The following LPIN2 variants were observed in gnomAD, a reference collection of about 807,000 sequenced individuals.
LPIN2 encodes lipin 2.
LPIN2 carries 55 observed loss-of-function variants against 111.4 expected under a neutral mutation model. That is an observed-to-expected ratio of 0.49 (90% CI 0.40 to 0.62). The LOEUF (loss-of-function observed/expected upper bound fraction) is 0.62. Ranked by LOEUF, LPIN2 falls within the 20% of genes least tolerant of loss-of-function variation. The pLI is 0.00. For synonymous variants in LPIN2, 425 were observed against 414.0 expected, an observed-to-expected ratio of 1.03 and a Z score of -0.32; for missense variants, 992 against 1,112.1, an observed-to-expected ratio of 0.89 and a Z score of 1.54.
chr18:2,934,252 C>T, intron 8 of LPIN2, 99 bp downstream of exon 8: 1 of 884,358 alleles, frequency 1.1e-6, no homozygotes, highest in Middle Eastern at 2.9e-4. Flanking sequence ...AGCTAAAGGA[C>T]ACCATCATCT....
chr18:2,965,750 G>T (rs1210419934), intron 1 of LPIN2, among the ~76,000 whole-genome samples: 2 of 83,530 alleles, frequency 2.4e-5, no homozygotes, highest in African/African-American at 8.8e-5. Context: ...AAAAAAAAAA[G>T]CATCAGTAAA....
At chr18:2,991,215 A>G (rs1482198720) in intron 1 of LPIN2, 2 of 198,198 alleles carry the variant, frequency 1.0e-5, no homozygotes, top group African/African-American at 2.3e-5. Flanking sequence ...CCTATTAAAG[A>G]AAGAATCATT....
At chr18:2,934,579 T>A in intron 7 of LPIN2, 129 bp from the exon 8 acceptor site, 1 of 687,024 alleles carries the variant, frequency 1.5e-6, no homozygotes, top group Non-Finnish European at 2.6e-6. Flanking sequence ...TTTAAAGGTG[T>A]CAACCAGCCT....
intron 1 of LPIN2, among the ~76,000 whole-genome samples, chr18:2,976,138 C>T (rs1288808480): frequency 6.6e-6 from 1 of 152,206 alleles, no homozygotes; most frequent in Non-Finnish European, 1.5e-5. Context: ...CTCTCTCACC[C>T]ATTAAAGAAC....
At position 2,946,246 on chromosome 18, in the gene LPIN2, T is replaced by G. The variant is rs564468289; in HGVS notation, c.590+4809A>C. The stretch of plus-strand genomic sequence containing the variant: ...TTATCGCGTCTACTGTCTTAGGGGC[T>G]TGAATGTGTTCCTGAAATTTTGGTT... On this transcript the variant is annotated intron_variant, in intron 4 of 19. Transcript: ENST00000677752. The G allele has an allele frequency of 2.3e-4, 354 of 1,554,090 alleles. No homozygotes were observed. In the African/African-American group the frequency reaches 4.2e-3, roughly 19 times the overall value.
intron 12 of LPIN2, 40 bp from the exon 13 acceptor site, chr18:2,926,845 C>T: frequency 6.5e-7 from 1 of 1,544,402 alleles, no homozygotes; most frequent in Admixed American, 1.7e-5. Context: ...GCAATTTTTT[C>T]CCTACAGATA....
chr18:2,967,740 G>A (rs905543387), intron 1 of LPIN2: 2 of 152,206 alleles, frequency 1.3e-5, no homozygotes, highest in African/African-American at 4.8e-5. Flanking sequence ...TCCGAGGGAA[G>A]CTGTTCTCAG....
chr18:2,965,235 G>C (rs958141327), intron 1 of LPIN2, among the ~76,000 whole-genome samples: 18 of 151,940 alleles, frequency 1.2e-4, no homozygotes, highest in African/African-American at 4.1e-4. Context: ...CGCCAAATTA[G>C]TCCTTCATGC....
chr18:2,937,170 T>C (rs1423840739), intron 7 of LPIN2, among the ~76,000 whole-genome samples: 4 of 152,086 alleles, frequency 2.6e-5, no homozygotes, highest in Non-Finnish European at 1.5e-5. Context: ...GTAGCAACAG[T>C]CAAGAGACAG....
chr18:2,927,616 T>C (rs1354775584), intron 12 of LPIN2, 106 bp downstream of exon 12: 5 of 1,182,612 alleles, frequency 4.2e-6, no homozygotes, highest in African/African-American at 3.0e-5. Flanking sequence ...TATGGTAAAA[T>C]AGCCCTATAC....
chr18:2,961,305 A>T (rs538037747), intron 1 of LPIN2, among the ~76,000 whole-genome samples: 1 of 152,172 alleles, frequency 6.6e-6, no homozygotes, highest in Non-Finnish European at 1.5e-5. Context: ...CTTCCAACAG[A>T]ACCAATGTAA....
At chr18:2,991,355 T>C (rs981535495) in intron 1 of LPIN2, among the ~76,000 whole-genome samples, 13 of 152,180 alleles carry the variant, frequency 8.5e-5, no homozygotes, top group African/African-American at 3.1e-4. Context: ...ACTGAAACAC[T>C]TGTGCACTGT....
rs1295378704 is a variant in LPIN2, at chr18:2,924,435, T to C, written c.2050A>G (p.Lys684Glu). ...CCATCAATATCAGAAATGATGATCT[T>C]GTCATTCCAGTTCCACAGGTAAATG... Reference protein sequence around the residue: ...GTIYLWNWNDKIIISDIDGTI... With the variant: ...GTIYLWNWNDEIIISDIDGTI... The change falls in exon 15 of 20, where the codon AAG becomes GAG. Residue 684 changes from lysine to glutamate, a missense_variant. Physicochemically the swap from Lys to Glu is moderately conservative, Grantham distance 56. Transcript: ENST00000677752. 6.2e-7 allele frequency: 1 copy of C among 1,614,206 alleles called. No individual in the cohort carries two copies. Among genetic ancestry groups the C allele is most frequent in the African/African-American group, 1.3e-5 (1 of 75,048 alleles).
At chr18:2,945,934 T>C (rs2077444967) in intron 4 of LPIN2, 4 of 1,411,274 alleles carry the variant, frequency 2.8e-6, no homozygotes, top group East Asian at 4.6e-5. Context: ...TAAGAATGTA[T>C]TAAAATCAGA....
chr18:2,938,555 G>T (rs554660917), intron 6 of LPIN2, among the ~76,000 whole-genome samples: 1 of 152,190 alleles, frequency 6.6e-6, no homozygotes, highest in South Asian at 2.1e-4. Flanking sequence ...ATGTTCTACT[G>T]TGAAGTTATA....
chr18:2,997,238 T>G (rs1240050583), intron 1 of LPIN2, among the ~76,000 whole-genome samples: 2 of 152,168 alleles, frequency 1.3e-5, no homozygotes, highest in African/African-American at 4.8e-5. Context: ...GGCCTTGGTG[T>G]CCCAAAGTAC....
At chr18:2,931,204 G>A in intron 9 of LPIN2, 52 bp downstream of exon 9, 1 of 1,583,152 alleles carries the variant, frequency 6.3e-7, no homozygotes, top group Non-Finnish European at 8.7e-7. Context: ...TTAACCAAGT[G>A]ATGACCAGAT....
intron 1 of LPIN2, among the ~76,000 whole-genome samples, chr18:3,007,287 T>A (rs2143502354): frequency 6.6e-6 from 1 of 152,272 alleles, no homozygotes; most frequent in Admixed American, 6.5e-5. Flanking sequence ...TTCCCCTGCC[T>A]CAGCCTCCAG....
At chr18:2,979,849 A>G (rs1598594959) in intron 1 of LPIN2, among the ~76,000 whole-genome samples, 1 of 152,150 alleles carries the variant, frequency 6.6e-6, no homozygotes. Context: ...ATGGTCCCTC[A>G]ATATATCCTC....
Sources: gnomAD v4.1 joint callset for allele counts (sites outside exome capture counted in the v4.1 genomes callset) on GRCh38, gnomAD v4.1.1 for gene constraint, MANE v1.5 for transcripts, NCBI Gene and HGNC (gene_info 2026-07-23, HGNC 2026-07-21) for gene names.